Variants in PHACTR1 observed in about 807,000 individuals in gnomAD.
PHACTR1 encodes RPEL repeat containing 1.
PHACTR1 carries 16 observed loss-of-function variants against 69.2 expected under a neutral mutation model. That is an observed-to-expected ratio of 0.23 (90% CI 0.16 to 0.35). The LOEUF is 0.35. Ranked by LOEUF, PHACTR1 falls within the 10% of genes least tolerant of loss-of-function variation. The probability of loss-of-function intolerance (pLI) is 1.00; values close to 1 mark genes in which losing one functional copy is unlikely to be tolerated. For missense variants in PHACTR1, 510 were observed against 734.7 expected, an observed-to-expected ratio of 0.69 and a Z score of 3.54; for synonymous variants, 312 against 284.5, an observed-to-expected ratio of 1.10 and a Z score of -0.97.
intron 5 of PHACTR1, among the ~76,000 whole-genome samples, chr6:13,118,890 G>A (rs1371736319): frequency 2.0e-5 from 3 of 152,138 alleles, no homozygotes; most frequent in South Asian, 4.1e-4. Flanking sequence ...ACTTTTGGAT[G>A]ATTCTTGCGG....
chr6:13,177,471 A>G (rs1276354271), intron 6 of PHACTR1, among the ~76,000 whole-genome samples: 2 of 151,812 alleles, frequency 1.3e-5, no homozygotes, highest in African/African-American at 4.8e-5. Flanking sequence ...ATATATACAT[A>G]TCAGATTTTT....
chr6:12,917,776 G>A (rs1455082444), intron 4 of PHACTR1, among the ~76,000 whole-genome samples: 1 of 151,962 alleles, frequency 6.6e-6, no homozygotes, highest in African/African-American at 2.4e-5. Context: ...ATGAACAAAT[G>A]AACAAACAAA....
At chr6:13,287,040 G>C in intron 14 of PHACTR1, 23 bp from the exon 15 acceptor site, 1 of 1,606,784 alleles carries the variant, frequency 6.2e-7, no homozygotes, top group Non-Finnish European at 8.5e-7. Flanking sequence ...CCTTGGTCTT[G>C]ATGTAATTGT....
At chr6:12,901,801 G>A (rs1019465072) in intron 4 of PHACTR1, among the ~76,000 whole-genome samples, 3 of 152,028 alleles carry the variant, frequency 2.0e-5, no homozygotes, top group Non-Finnish European at 2.9e-5. Context: ...TGGCCCAAGC[G>A]TTTTTATATA....
intron 7 of PHACTR1, among the ~76,000 whole-genome samples, chr6:13,189,887 G>A (rs1186155272): frequency 6.6e-6 from 1 of 152,104 alleles, no homozygotes; most frequent in African/African-American, 2.4e-5. Flanking sequence ...TAGTTCTGGA[G>A]GCTGGAAAGT....
intron 5 of PHACTR1, among the ~76,000 whole-genome samples, chr6:13,133,276 C>A (rs1240073917): frequency 1.5e-5 from 2 of 132,174 alleles, no homozygotes; most frequent in Admixed American, 1.6e-4. Context: ...GTCTCCCTCT[C>A]CCTCTTCCTC....
chr6:13,193,240 G>T, intron 7 of PHACTR1, among the ~76,000 whole-genome samples: 1 of 151,536 alleles, frequency 6.6e-6, no homozygotes. Flanking sequence ...CTGCATCCAA[G>T]AGATGCAAGG....
chr6:13,129,685 TAGAC>T (rs767470442), intron 5 of PHACTR1, among the ~76,000 whole-genome samples: 23 of 152,166 alleles, frequency 1.5e-4, no homozygotes, highest in Non-Finnish European at 3.1e-4. Context: ...AGAAATGAGT[TAGAC>T]AGCAACACAA....
chr6:13,236,420 G>A lies in PHACTR1; in HGVS notation c.1391+6227G>A, dbSNP rs138728271. 2.3e-3 allele frequency among the ~76,000 whole-genome samples: 355 copies of A among 152,226 alleles called. 1 individual carries two copies. The highest frequency in any genetic ancestry group is 7.9e-3 in the African/African-American group (330 of 41,528). On this transcript the variant is annotated intron_variant, in intron 10 of 14. Coordinates refer to ENST00000332995, the MANE Select transcript of PHACTR1 (RefSeq NM_030948.6). The stretch of plus-strand genomic sequence containing the variant: ...ATACACAACAGAAATGCATTGTCTC[G>A]GAGTTTTAGAGGCTGGAAGTCTGAG...
chr6:12,804,637 C>T (rs548742192), intron 4 of PHACTR1, among the ~76,000 whole-genome samples: 31 of 152,244 alleles, frequency 2.0e-4, no homozygotes, highest in Non-Finnish European at 3.8e-4. Flanking sequence ...GCTTGGGCAA[C>T]ATGGCGAAAC....
At chr6:13,235,797 G>C (rs1223863552) in intron 10 of PHACTR1, among the ~76,000 whole-genome samples, 1 of 152,174 alleles carries the variant, frequency 6.6e-6, no homozygotes, top group Non-Finnish European at 1.5e-5. Context: ...ACCTCACCTA[G>C]GGAACGGCTA....
At chr6:12,749,551 TC>T (rs1561846499) in intron 3 of PHACTR1, 92 bp from the exon 4 acceptor site, 5 of 251,364 alleles carry the variant, frequency 2.0e-5, no homozygotes, top group Admixed American at 8.4e-5. Flanking sequence ...CCCTCCCCCT[TC>T]CCCTCCCCCT....
At chr6:12,771,916 G>A (rs1313616581) in intron 4 of PHACTR1, among the ~76,000 whole-genome samples, 4 of 152,280 alleles carry the variant, frequency 2.6e-5, no homozygotes, top group Admixed American at 2.6e-4. Context: ...AGGTTCAAAT[G>A]CAGCAGAGAG....
intron 7 of PHACTR1, among the ~76,000 whole-genome samples, chr6:13,198,546 C>T (rs1469979095): frequency 6.6e-6 from 1 of 151,796 alleles, no homozygotes; most frequent in Non-Finnish European, 1.5e-5. Flanking sequence ...TTTGGCTTCC[C>T]TGGCCCACAT....
At chr6:12,998,044 A>T (rs577640184) in intron 4 of PHACTR1, among the ~76,000 whole-genome samples, 4 of 152,366 alleles carry the variant, frequency 2.6e-5, no homozygotes, top group African/African-American at 9.6e-5. Context: ...ATACATAAAA[A>T]TATATTTAAA....
At chr6:12,871,421 A>T (rs969150845) in intron 4 of PHACTR1, among the ~76,000 whole-genome samples, 3 of 152,108 alleles carry the variant, frequency 2.0e-5, no homozygotes, top group African/African-American at 7.2e-5. Flanking sequence ...ATTGCGTTTG[A>T]CTTATAAGCT....
chr6:12,865,889 T>C (rs774814410), intron 4 of PHACTR1, among the ~76,000 whole-genome samples: 33 of 152,166 alleles, frequency 2.2e-4, no homozygotes, highest in Admixed American at 2.2e-3. Context: ...GGCTCAATGA[T>C]GAAGTTCAGT....
In PHACTR1 at chr6:12,723,798, A is replaced by G. The variant is rs187565991; in HGVS notation, c.103+4951A>G. 4.3e-4 allele frequency among the ~76,000 whole-genome samples: 66 copies of G among 152,294 alleles called. No individual in the cohort carries two copies. In the East Asian group the frequency reaches 0.01, roughly 24 times the overall value. ...TGGGAGATTTCACAACCTAAATGCT[A>G]GAGTCCACTATGGACCAATTAAATC... On this transcript the variant is annotated intron_variant, in intron 3 of 14. Coordinates refer to ENST00000332995, the MANE Select transcript of PHACTR1 (RefSeq NM_030948.6).
Position 13,246,052 on chromosome 6 carries a change from A to C in PHACTR1, c.1391+15859A>C, listed in dbSNP as rs910952162. On this transcript the variant is annotated intron_variant, in intron 10 of 14. Coordinates refer to ENST00000332995, the MANE Select transcript of PHACTR1 (RefSeq NM_030948.6). The surrounding 1 kb of genome is among the most constrained non-coding windows in gnomAD (Gnocchi z 4.2). The stretch of plus-strand genomic sequence containing the variant: ...CACTACTAGCCAAGTTCACACAGTA[A>C]TTTCTGACAAACTAGGATTTAAAAT... Among the ~76,000 whole-genome samples, 2 of 152,204 alleles carry C rather than the reference A, an allele frequency of 1.3e-5. No homozygotes were observed. Among genetic ancestry groups the C allele is most frequent in the Non-Finnish European group, 2.9e-5 (2 of 68,040 alleles).
Sources: allele counts gnomAD v4.1 joint callset (sites outside exome capture counted in the v4.1 genomes callset), GRCh38; gene constraint gnomAD v4.1.1; non-coding constraint Gnocchi (gnomAD v3.1); transcripts MANE v1.5; gene names NCBI Gene and HGNC (gene_info 2026-07-23, HGNC 2026-07-21).